Variants in MAN1A1 observed in about 807,000 individuals in gnomAD.
The protein encoded by MAN1A1 is mannosidase alpha class 1A member 1.
MAN1A1 carries 29 observed loss-of-function variants against 70.8 expected under a neutral mutation model. The observed-to-expected ratio is 0.41, with a 90% CI of 0.31 to 0.56. MAN1A1 has a LOEUF of 0.56. MAN1A1 is among the 20% of genes least tolerant of loss of function. The pLI, the probability that MAN1A1 is intolerant of heterozygous loss-of-function variation, is 0.29. For missense variants in MAN1A1, 747 were observed against 841.3 expected (o/e 0.89, Z 1.39); for synonymous variants, 349 against 330.1 (o/e 1.06, Z -0.62).
chr6:119,245,231 T>C (rs1447406760), intron 6 of MAN1A1, among the ~76,000 whole-genome samples: 1 of 152,142 alleles, frequency 6.6e-6, no homozygotes, highest in East Asian at 1.9e-4. Flanking sequence ...TTTTTTCTTC[T>C]CCTGGGCAGC....
intron 6 of MAN1A1, among the ~76,000 whole-genome samples, chr6:119,217,694 C>T (rs764839983): frequency 6.6e-6 from 1 of 152,184 alleles, no homozygotes; most frequent in African/African-American, 2.4e-5. Flanking sequence ...AATGCATACT[C>T]ATTGTAATGA....
intron 2 of MAN1A1, among the ~76,000 whole-genome samples, chr6:119,324,041 A>T (rs990594817): frequency 2.0e-5 from 3 of 152,208 alleles, no homozygotes; most frequent in African/African-American, 7.2e-5. Flanking sequence ...GTTTCAACAT[A>T]CACAGTAACA....
At chr6:119,273,245 G>T (rs1486904492) in intron 5 of MAN1A1, among the ~76,000 whole-genome samples, 1 of 152,110 alleles carries the variant, frequency 6.6e-6, no homozygotes, top group Non-Finnish European at 1.5e-5. Flanking sequence ...AAATTCAGAT[G>T]AGTACAGAAA....
chr6:119,234,570 T>C (rs1357919545), intron 6 of MAN1A1, among the ~76,000 whole-genome samples: 4 of 151,980 alleles, frequency 2.6e-5, no homozygotes. Context: ...TGTGCCACCA[T>C]GCCCGGCTAA....
chr6:119,271,864 G>A (rs934178422), intron 5 of MAN1A1, among the ~76,000 whole-genome samples: 3 of 152,124 alleles, frequency 2.0e-5, no homozygotes, highest in Non-Finnish European at 2.9e-5. Flanking sequence ...CCCTTAGAAA[G>A]AAAGAGATCT....
chr6:119,215,679 T>C (rs1001756468), intron 6 of MAN1A1, among the ~76,000 whole-genome samples: 2 of 152,216 alleles, frequency 1.3e-5, no homozygotes, highest in African/African-American at 2.4e-5. Flanking sequence ...TGAATGTCAA[T>C]TTAAGTATAA....
At chr6:119,347,849 T>A (rs915653307) in intron 2 of MAN1A1, among the ~76,000 whole-genome samples, 1 of 152,232 alleles carries the variant, frequency 6.6e-6, no homozygotes, top group Admixed American at 6.5e-5. Context: ...TTGCATCACA[T>A]GGAATACCCT....
At chr6:119,269,258 C>T (rs1202243000) in intron 5 of MAN1A1, 1 of 282,064 alleles carries the variant, frequency 3.5e-6, no homozygotes, top group South Asian at 3.0e-5. Flanking sequence ...GGCCTTCTTC[C>T]TCTTCTCCTG....
chr6:119,186,073 G>A (rs149295550), intron 11 of MAN1A1, among the ~76,000 whole-genome samples: 40 of 152,216 alleles, frequency 2.6e-4, no homozygotes, highest in African/African-American at 8.9e-4. Flanking sequence ...CTGAAATGCA[G>A]AAGGGAGATT....
At chr6:119,314,847 C>A (rs868788612) in intron 2 of MAN1A1, among the ~76,000 whole-genome samples, 1 of 152,166 alleles carries the variant, frequency 6.6e-6, no homozygotes, top group East Asian at 1.9e-4. Context: ...TCCACTTCGG[C>A]TCTCAGCTCC....
upstream of MAN1A1, chr6:119,350,445 G>T: frequency 1.5e-6 from 1 of 675,922 alleles, no homozygotes; most frequent in Non-Finnish European, 1.8e-6. Flanking sequence ...TTTCGTATGC[G>T]CCCTTTCTTC....
At chr6:119,259,992 T>A (rs976305495) in intron 5 of MAN1A1, among the ~76,000 whole-genome samples, 3 of 152,124 alleles carry the variant, frequency 2.0e-5, no homozygotes, top group East Asian at 1.9e-4. Context: ...TGCATTTTTT[T>A]AAAAAAAGAT....
intron 6 of MAN1A1, among the ~76,000 whole-genome samples, chr6:119,228,002 A>G (rs1774567510): frequency 6.6e-6 from 1 of 152,206 alleles, no homozygotes; most frequent in Non-Finnish European, 1.5e-5. Flanking sequence ...TAGGAAACCA[A>G]AACTTTTTAA....
intron 4 of MAN1A1, among the ~76,000 whole-genome samples, chr6:119,295,277 A>AT (rs1243816527): frequency 8.5e-5 from 13 of 152,126 alleles, no homozygotes; most frequent in Non-Finnish European, 1.6e-4. Context: ...GAAATTTGAT[A>AT]TTTTTATAGG....
rs114169054 is a variant in MAN1A1 at position 119,304,625 on chromosome 6, C to T, written c.700+2271G>A. ...TTCATTAAAGTTGTTTAGGAAGGAACCAGTCTTACTCTGTCTAGGAAAAAG... is the reference window on the plus strand; with the variant it reads ...TTCATTAAAGTTGTTTAGGAAGGAATCAGTCTTACTCTGTCTAGGAAAAAG... On this transcript the variant is annotated intron_variant, in intron 3 of 12. Transcript: ENST00000368468. Among the ~76,000 whole-genome samples the T allele has an allele frequency of 1.4e-3, 207 of 152,142 alleles. 2 individuals are homozygous for T. The highest frequency in any genetic ancestry group is 4.7e-3 in the African/African-American group (196 of 41,488).
At chr6:119,342,414 C>T (rs1314278687) in intron 2 of MAN1A1, among the ~76,000 whole-genome samples, 2 of 152,136 alleles carry the variant, frequency 1.3e-5, no homozygotes, top group Non-Finnish European at 2.9e-5. Context: ...GTTGTGTGCC[C>T]ACTTCATGTC....
upstream of MAN1A1, among the ~76,000 whole-genome samples, chr6:119,350,118 C>A (rs1158442591): frequency 3.3e-5 from 5 of 152,262 alleles, no homozygotes; most frequent in African/African-American, 1.2e-4. Flanking sequence ...CCTCGACTGG[C>A]CCGGGAGGCG....
intron 3 of MAN1A1, among the ~76,000 whole-genome samples, chr6:119,303,426 C>T (rs73769050): frequency 0.012 from 1,790 of 152,278 alleles, 36 homozygotes; most frequent in African/African-American, 0.041. Context: ...AGCTTCAAAA[C>T]GCAGTTTAAA....
chr6:119,240,311 G>A (rs1774966684), intron 6 of MAN1A1, among the ~76,000 whole-genome samples: 1 of 152,108 alleles, frequency 6.6e-6, no homozygotes, highest in Admixed American at 6.5e-5. Context: ...CCCTTAAATT[G>A]TAGAACTTTC....
Sources: allele counts gnomAD v4.1 joint callset (sites outside exome capture counted in the v4.1 genomes callset), GRCh38; gene constraint gnomAD v4.1.1; transcripts MANE v1.5; gene names NCBI Gene and HGNC (gene_info 2026-07-23, HGNC 2026-07-21).